The following RHOU variants were observed in gnomAD, a reference collection of about 807,000 sequenced individuals.
RHOU encodes ras homolog family member U, also known as rho-related GTP-binding protein RhoU.
RHOU carries 8 observed loss-of-function variants against 12.6 expected under a neutral mutation model. The ratio of observed to expected loss-of-function variants is 0.64; its 90% confidence interval spans 0.37 to 1.15. The LOEUF (loss-of-function observed/expected upper bound fraction) is 1.15. Among genes scored for constraint, RHOU ranks in the 50% most tolerant of loss-of-function variants. The pLI is 0.01. For synonymous variants in RHOU, 161 were observed against 147.4 expected (o/e 1.09, Z -0.67); for missense variants, 258 against 347.0 (o/e 0.74, Z 2.04).
chr1:228,647,146 T>C, the RHOU span, among the ~76,000 whole-genome samples: 5 of 152,090 alleles, frequency 3.3e-5, no homozygotes, highest in African/African-American at 1.2e-4. Context: ...GGGTTTGAGC[T>C]GTGCCTGAGC....
chr1:228,725,393 G>C, the RHOU span, among the ~76,000 whole-genome samples: 1 of 151,794 alleles, frequency 6.6e-6, no homozygotes. Flanking sequence ...ACGGATGGCC[G>C]TGTGGATGCT....
the RHOU span, among the ~76,000 whole-genome samples, chr1:228,692,716 T>C: frequency 3.3e-5 from 5 of 152,128 alleles, no homozygotes; most frequent in Non-Finnish European, 5.9e-5. Context: ...ATTACAGACA[T>C]GAGCCACCAG....
the RHOU span, among the ~76,000 whole-genome samples, chr1:228,709,689 T>A: frequency 1.3e-5 from 2 of 148,570 alleles, no homozygotes; most frequent in East Asian, 2.0e-4. Context: ...TAGCACTAAA[T>A]GCCCACAAGA....
chr1:228,663,927 C>A, the RHOU span, among the ~76,000 whole-genome samples: 7 of 150,552 alleles, frequency 4.6e-5, no homozygotes, highest in African/African-American at 1.7e-4. Flanking sequence ...GCCGCCACGC[C>A]CGGCCAACAT....
chr1:228,666,491 G>A, the RHOU span, among the ~76,000 whole-genome samples: 1 of 152,042 alleles, frequency 6.6e-6, no homozygotes, highest in Non-Finnish European at 1.5e-5. Flanking sequence ...GTTAACTATA[G>A]TCATCCTACA....
the RHOU span, among the ~76,000 whole-genome samples, chr1:228,674,769 C>T: frequency 6.6e-6 from 1 of 151,864 alleles, no homozygotes. Flanking sequence ...CTCGCTCTGT[C>T]GCCCAGGCTG....
At chr1:228,723,103 A>G in the RHOU span, among the ~76,000 whole-genome samples, 1 of 152,062 alleles carries the variant, frequency 6.6e-6, no homozygotes, top group Non-Finnish European at 1.5e-5. Flanking sequence ...AGCCTGAGTT[A>G]GATGATGCTA....
chr1:228,741,962 A>G (rs1170273195), intron 2 of RHOU, among the ~76,000 whole-genome samples: 4 of 152,254 alleles, frequency 2.6e-5, no homozygotes, highest in Non-Finnish European at 5.9e-5. Context: ...AAATGAAGAA[A>G]GTACATTCAA....
the RHOU span, among the ~76,000 whole-genome samples, chr1:228,717,895 G>T: frequency 1.7e-3 from 258 of 152,248 alleles, 1 homozygote; most frequent in African/African-American, 5.8e-3. Context: ...TAAAAAATTC[G>T]GGTAATTCCA....
the RHOU span, among the ~76,000 whole-genome samples, chr1:228,700,043 C>CT: frequency 6.6e-6 from 1 of 152,074 alleles, no homozygotes; most frequent in African/African-American, 2.4e-5. Flanking sequence ...ATAGTTTTAT[C>CT]TTTTTTTATA....
the RHOU span, among the ~76,000 whole-genome samples, chr1:228,663,600 TTTTTCTTTTC>T: frequency 4.9e-4 from 44 of 90,084 alleles, no homozygotes; most frequent in Admixed American, 2.3e-3. Flanking sequence ...TTCTTTTCTG[TTTTTCTTTTC>T]TTTTCTTTTC....
At chr1:228,731,498 C>T (rs572485566), upstream of RHOU, among the ~76,000 whole-genome samples, 108 of 152,224 alleles carry the variant, frequency 7.1e-4, 1 homozygote, top group African/African-American at 2.5e-3. Flanking sequence ...AACACAAAAA[C>T]GAACAGATGG....
At chr1:228,671,685 C>T in the RHOU span, among the ~76,000 whole-genome samples, 1 of 136,650 alleles carries the variant, frequency 7.3e-6, no homozygotes, top group African/African-American at 2.8e-5. Flanking sequence ...TGCACTCCAG[C>T]CTGGGTGACA....
the RHOU span, among the ~76,000 whole-genome samples, chr1:228,696,785 G>C: frequency 6.6e-6 from 1 of 152,150 alleles, no homozygotes; most frequent in Middle Eastern, 3.4e-3. Context: ...AGGCTCAAGC[G>C]ATCCACCCGC....
Position 228,735,717 on chromosome 1 carries a change from G to T in RHOU, c.-26G>T. The T allele has an allele frequency of 1.7e-6, 2 of 1,200,398 alleles. No individual in the cohort carries two copies. The highest frequency in any genetic ancestry group is 8.4e-5 in the South Asian group (2 of 23,938). 74.4% of individuals were successfully genotyped at this position (1,200,398 alleles called of 1,614,324 possible). A position where few individuals can be genotyped will look rare whatever the true frequency, so the allele number is the denominator to read the frequency against. On this transcript the variant is annotated 5_prime_UTR_variant, in exon 1 of 3. Coordinates refer to ENST00000366691, the MANE Select transcript of RHOU (RefSeq NM_021205.6). This position sits in a 1 kb window ranked among gnomAD's most constrained non-coding sequence, Gnocchi z 8.1. The stretch of plus-strand genomic sequence containing the variant: ...GTCGGGCCGGGCCCTGCTAGCCCGC[G>T]ACCGCAAGCCCGCGCTCGCGGATCG...
chr1:228,682,792 T>C, the RHOU span, among the ~76,000 whole-genome samples: 8 of 152,196 alleles, frequency 5.3e-5, no homozygotes, highest in African/African-American at 7.2e-5. Context: ...TTGCCACTTA[T>C]ATAAATATCA....
chr1:228,707,223 A>G, the RHOU span, among the ~76,000 whole-genome samples: 6 of 100,788 alleles, frequency 6.0e-5, no homozygotes, highest in African/African-American at 3.1e-4. Context: ...ATATACATAT[A>G]TATATACATA....
the RHOU span, among the ~76,000 whole-genome samples, chr1:228,693,656 C>T: frequency 3.3e-5 from 5 of 152,050 alleles, no homozygotes; most frequent in South Asian, 2.1e-4. Context: ...TCAGTAGAGA[C>T]GGGCTTTCAC....
rs1210114901 is a variant in RHOU at position 228,743,313 on chromosome 1, G to C, written c.350G>C (p.Cys117Ser). 1.2e-6 allele frequency: 2 copies of C among 1,614,034 alleles called. No homozygotes were observed. Among genetic ancestry groups the C allele is most frequent in the East Asian group, 2.2e-5 (1 of 44,898 alleles). The change falls in exon 3 of 3, where the codon TGC becomes TCC. Residue 117 changes from cysteine to serine, a missense_variant. Physicochemically the swap from Cys to Ser is moderately radical, Grantham distance 112. Transcript: ENST00000366691. This position sits in a 1 kb window ranked among gnomAD's most constrained non-coding sequence, Gnocchi z 5.1. ...GAATTTGACAAGCTGAGGCCTCTCT[G>C]CTACACCAACACAGACATCTTCCTG... is the stretch of plus-strand genomic sequence containing the variant. ...QDEFDKLRPL[C>S]YTNTDIFLLC... is the part of the protein sequence containing the mutation.
Sources: gnomAD v4.1 joint callset for allele counts (sites outside exome capture counted in the v4.1 genomes callset) on GRCh38, gnomAD v4.1.1 for gene constraint, Gnocchi (gnomAD v3.1) non-coding constraint, MANE v1.5 for transcripts, NCBI Gene and HGNC (gene_info 2026-07-23, HGNC 2026-07-21) for gene names.